ZNF544: variants seen among roughly 807,000 people sequenced by gnomAD.
ZNF544 encodes zinc finger protein AF020591.
In ZNF544, 10 loss-of-function variants were observed where a neutral mutation model predicts 13.5. The ratio of observed to expected loss-of-function variants is 0.74; its 90% CI spans 0.46 to 1.25. The LOEUF is 1.25. ZNF544 is among the 50% of genes most tolerant of loss of function. The probability of loss-of-function intolerance (pLI) is 0.00; values close to 1 mark genes in which losing one functional copy is unlikely to be tolerated. For missense variants in ZNF544, 896 were observed against 845.6 expected (o/e 1.06, Z -0.74); for synonymous variants, 323 against 300.5 (o/e 1.07, Z -0.77).
rs763373289 is a variant in ZNF544, at chr19:58,261,093, G to A, written c.487G>A (p.Gly163Arg). ...GGAACATTGTGAGCTTGAACTTGGG[G>A]GAGGTTATTCTCTACCTTCTACTTT... ...QREHCELELG[G>R]GYSLPSTLSL... The change falls in exon 7 of 7, where the codon GGA (glycine) becomes AGA (arginine). Residue 163 changes from glycine (G) to arginine (R), a missense_variant. Gly to Arg is a moderately radical substitution (Grantham distance 125). Coordinates refer to ENST00000687789, the MANE Select transcript of ZNF544 (RefSeq NM_014480.4). 6.2e-7 allele frequency: 1 copy of A among 1,614,180 alleles called. No individual in the cohort carries two copies. The highest frequency in any genetic ancestry group is 1.1e-5 in the South Asian group (1 of 91,088).
intron 6 of ZNF544, among the ~76,000 whole-genome samples, chr19:58,248,028 C>G (rs1301193045): frequency 6.6e-6 from 1 of 151,944 alleles, no homozygotes; most frequent in Non-Finnish European, 1.5e-5. Context: ...ATTTTCCTGC[C>G]TCAACCTCCC....
intron 4 of ZNF544, 49 bp downstream of exon 4, chr19:58,244,105 A>G: frequency 6.5e-7 from 1 of 1,549,896 alleles, no homozygotes; most frequent in Non-Finnish European, 8.8e-7. Context: ...ATAGATGTAA[A>G]ATGGGTCCAG....
At chr19:58,232,270 A>G (rs904636600) in intron 3 of ZNF544, among the ~76,000 whole-genome samples, 6 of 152,066 alleles carry the variant, frequency 3.9e-5, no homozygotes, top group African/African-American at 1.4e-4. Flanking sequence ...ATCAGTGAAA[A>G]CAAATAAGGA....
chr19:58,263,329 C>T lies in ZNF544; in HGVS notation c.*575C>T, dbSNP rs927656420. Reference sequence around the variant, plus strand: ...TACAAAAATTAGCCTAGCATGGTGGCGCATACCTGTAGTCCTAGCTACTCA... The same window carrying T: ...TACAAAAATTAGCCTAGCATGGTGGTGCATACCTGTAGTCCTAGCTACTCA... On this transcript the variant is annotated 3_prime_UTR_variant, in exon 7 of 7. Transcript: ENST00000687789. 70 of 848,442 alleles carry T rather than the reference C, an allele frequency of 8.3e-5. No individual in the cohort carries two copies. The Admixed American group carries it at 1.7e-3, about 21-fold the overall frequency. 52.6% of individuals were successfully genotyped at this position (848,442 alleles called of 1,614,324 possible).
intron 3 of ZNF544, among the ~76,000 whole-genome samples, chr19:58,238,683 G>A (rs1210217130): frequency 6.6e-6 from 1 of 152,060 alleles, no homozygotes; most frequent in East Asian, 1.9e-4. Flanking sequence ...TCCCGTTGTT[G>A]TCACTTCTCC....
chr19:58,232,772 A>AT (rs1297259732), intron 3 of ZNF544, among the ~76,000 whole-genome samples: 91 of 146,314 alleles, frequency 6.2e-4, no homozygotes, highest in African/African-American at 1.6e-3. Context: ...TACTAAAAAA[A>AT]AAAAAAAAAA....
At chr19:58,271,607 A>C (rs2050647839) in intron 5 of ZNF544, among the ~76,000 whole-genome samples, 2 of 152,138 alleles carry the variant, frequency 1.3e-5, no homozygotes, top group African/African-American at 4.8e-5. Context: ...ATCTCAAAAA[A>C]AAAGTGATGT....
chr19:58,244,116 G>A (rs964847600), intron 4 of ZNF544, 60 bp downstream of exon 4: 24 of 1,452,222 alleles, frequency 1.7e-5, no homozygotes, highest in Non-Finnish European at 5.7e-6. Context: ...ATGGGTCCAG[G>A]AATAGCACCC....
At chr19:58,245,050 C>A (rs2044795150) in intron 4 of ZNF544, among the ~76,000 whole-genome samples, 1 of 151,826 alleles carries the variant, frequency 6.6e-6, no homozygotes, top group South Asian at 2.1e-4. Context: ...TGGTTTCAAG[C>A]AATTCTCCTG....
At chr19:58,248,421 T>TG (rs1478819052) in intron 6 of ZNF544, among the ~76,000 whole-genome samples, 1 of 151,116 alleles carries the variant, frequency 6.6e-6, no homozygotes, top group Non-Finnish European at 1.5e-5. Context: ...TTTGTAGAGA[T>TG]GGAGTGTCAC....
At chr19:58,233,192 A>G (rs2041718333) in intron 3 of ZNF544, among the ~76,000 whole-genome samples, 1 of 152,098 alleles carries the variant, frequency 6.6e-6, no homozygotes, top group Non-Finnish European at 1.5e-5. Context: ...ACCTGCCCCC[A>G]TGACTCAGTT....
intron 1 of ZNF544, chr19:58,229,246 G>A (rs2146303438): frequency 6.9e-6 from 1 of 145,212 alleles, no homozygotes; most frequent in Admixed American, 7.0e-5. Context: ...GGAACTTATA[G>A]TACCTCGCAG....
chr19:58,257,777 G>A (rs1197867173), intron 6 of ZNF544: 2 of 152,220 alleles, frequency 1.3e-5, no homozygotes, highest in Non-Finnish European at 2.9e-5. Context: ...TTTTCAGAAT[G>A]TCATAGTTGG....
downstream of ZNF544, among the ~76,000 whole-genome samples, chr19:58,265,589 C>T (rs1308662651): frequency 6.7e-6 from 1 of 148,876 alleles, no homozygotes; most frequent in Admixed American, 6.7e-5. Context: ...GCCGCCACAC[C>T]CGGCCGCATT....
chr19:58,275,983 C>T (rs1209422728), intron 5 of ZNF544, among the ~76,000 whole-genome samples: 1 of 151,838 alleles, frequency 6.6e-6, no homozygotes, highest in African/African-American at 2.4e-5. Flanking sequence ...CTCTGGAGTT[C>T]AAGACCAGCC....
rs1568460699 is a variant in ZNF544, at chr19:58,241,162, A to ATATAT, written c.-59-2803_-59-2802insTATAT. 6.6e-4 allele frequency among the ~76,000 whole-genome samples: 59 copies of ATATAT among 89,272 alleles called. 1 individual carries two copies. Among genetic ancestry groups the ATATAT allele is most frequent in the East Asian group, 5.4e-3 (13 of 2,412 alleles). 58.6% of individuals were successfully genotyped at this position (89,272 alleles called of 152,430 possible). On this transcript the variant is annotated intron_variant, in intron 3 of 6. Coordinates refer to ENST00000687789, the MANE Select transcript of ZNF544 (RefSeq NM_014480.4). ...AATTTAAAATATATATATATATTTAAATATATATATATATATATTTTTTTT... is the reference window on the plus strand; with the variant it reads ...AATTTAAAATATATATATATATTTAATATATATATATATATATATATATTTTTTTT...
At position 58,254,927 on chromosome 19, in the gene ZNF544, G is replaced by A. The variant is rs577289599; in HGVS notation, c.245-5924G>A. On this transcript the variant is annotated intron_variant, in intron 6 of 6. Coordinates refer to ENST00000687789, the MANE Select transcript of ZNF544 (RefSeq NM_014480.4). ...TTTTGAGATGGAGTCTCACTCTGTC[G>A]CCCAGGCTGGAGTGCAGTGGCGCGA... Among the ~76,000 whole-genome samples, 16 of 147,590 alleles carry A rather than the reference G, an allele frequency of 1.1e-4. No homozygotes were observed. The East Asian group carries it at 3.0e-3, about 27-fold the overall frequency.
intron 6 of ZNF544, among the ~76,000 whole-genome samples, chr19:58,247,919 CT>C (rs965456163): frequency 5.1e-4 from 75 of 145,992 alleles, no homozygotes; most frequent in Admixed American, 6.8e-4. Flanking sequence ...TTGAGGCATC[CT>C]TTTTTTTTTT....
At chr19:58,236,251 G>C (rs2042353367) in intron 3 of ZNF544, among the ~76,000 whole-genome samples, 1 of 151,784 alleles carries the variant, frequency 6.6e-6, no homozygotes, top group South Asian at 2.1e-4. Context: ...CGCAATGCTA[G>C]CACTTTGGGA....
Sources: gnomAD v4.1 joint callset for allele counts (sites outside exome capture counted in the v4.1 genomes callset) on GRCh38, gnomAD v4.1.1 for gene constraint, MANE v1.5 for transcripts, NCBI Gene and HGNC (gene_info 2026-07-23, HGNC 2026-07-21) for gene names.